EDAR: variants seen among roughly 807,000 people sequenced by gnomAD.
EDAR encodes the protein ectodysplasin A receptor.
Under a neutral mutation model 51.3 loss-of-function variants are expected in EDAR, and 38 were observed. The observed-to-expected ratio is 0.74, with a 90% CI of 0.57 to 0.97. The LOEUF (loss-of-function observed/expected upper bound fraction) is 0.97, where lower values mean the gene tolerates loss of function less well. Ranked by LOEUF, EDAR falls within the 50% of genes least tolerant of loss-of-function variation. The probability of loss-of-function intolerance (pLI) is 0.00; values close to 1 mark genes in which losing one functional copy is unlikely to be tolerated. For synonymous variants in EDAR, 227 were observed against 242.1 expected (o/e 0.94, Z 0.58); for missense variants, 528 against 595.0 (o/e 0.89, Z 1.17).
chr2:108,976,523 T>G (rs1049972202), intron 1 of EDAR, among the ~76,000 whole-genome samples: 4 of 152,106 alleles, frequency 2.6e-5, no homozygotes, highest in Non-Finnish European at 2.9e-5. Flanking sequence ...AGCGCACACT[T>G]AAGGGAGGGA....
At chr2:108,975,207 G>A (rs1698301380) in intron 1 of EDAR, among the ~76,000 whole-genome samples, 1 of 152,234 alleles carries the variant, frequency 6.6e-6, no homozygotes, top group Non-Finnish European at 1.5e-5. Flanking sequence ...GTGGGAAGGG[G>A]CAAAGGAGAG....
intron 2 of EDAR, 50 bp from the exon 3 acceptor site, chr2:108,930,292 T>A (rs776572958): frequency 6.2e-7 from 1 of 1,612,800 alleles, no homozygotes; most frequent in African/African-American, 1.3e-5. Flanking sequence ...TAGAAACACA[T>A]GTGACTCCTG....
rs370264160 is a variant in EDAR, at chr2:108,910,528, G to A, written c.735C>T (p.Asn245=). Residue 245 remains asparagine (N), a synonymous_variant, in exon 9 of 12, where the codon AAC becomes AAT. Transcript: ENST00000258443. ...KDEEKKEAPD[N]VVMFSEKDEF... is the part of the protein sequence containing the mutation. Reference sequence around the variant, plus strand: ...CATCCTTCTCGGAGAACATCACCACGTTGTCTGCAGGGAAATGGGGAGGTT... The same window carrying A: ...CATCCTTCTCGGAGAACATCACCACATTGTCTGCAGGGAAATGGGGAGGTT... 17 of 1,612,940 alleles carry A rather than the reference G, an allele frequency of 1.1e-5. No homozygotes were observed. Among genetic ancestry groups the A allele is most frequent in the African/African-American group, 6.7e-5 (5 of 74,898 alleles).
intron 1 of EDAR, among the ~76,000 whole-genome samples, chr2:108,970,160 G>A (rs1237236722): frequency 3.3e-5 from 5 of 152,152 alleles, no homozygotes; most frequent in Non-Finnish European, 4.4e-5. Flanking sequence ...GGGGAGCATC[G>A]CCTGGGAGCT....
intron 1 of EDAR, among the ~76,000 whole-genome samples, chr2:108,932,523 T>C (rs1450337508): frequency 3.4e-5 from 4 of 117,622 alleles, no homozygotes; most frequent in Admixed American, 9.4e-5. Flanking sequence ...AGTGAGACTC[T>C]GTCTCAAAAA....
intron 1 of EDAR, among the ~76,000 whole-genome samples, chr2:108,943,435 A>G (rs991523550): frequency 1.3e-5 from 2 of 152,156 alleles, no homozygotes; most frequent in Admixed American, 6.5e-5. Context: ...AACTGCAATC[A>G]CACCGTATTC....
chr2:108,940,959 CT>C (rs892221588), intron 1 of EDAR, among the ~76,000 whole-genome samples: 1 of 152,200 alleles, frequency 6.6e-6, no homozygotes, highest in Non-Finnish European at 1.5e-5. Flanking sequence ...TATACACCCC[CT>C]GTGGCTTGAT....
At chr2:108,975,782 G>A (rs1028516696) in intron 1 of EDAR, among the ~76,000 whole-genome samples, 5 of 152,138 alleles carry the variant, frequency 3.3e-5, no homozygotes, top group African/African-American at 7.2e-5. Context: ...GCCAGGCTCC[G>A]TGCGGCATCA....
At chr2:108,926,314 G>A (rs944654203) in intron 4 of EDAR, among the ~76,000 whole-genome samples, 2 of 152,134 alleles carry the variant, frequency 1.3e-5, no homozygotes, top group African/African-American at 4.8e-5. Flanking sequence ...CCCAACCCCT[G>A]TTCTACATAG....
intron 1 of EDAR, among the ~76,000 whole-genome samples, chr2:108,944,813 A>G (rs929543995): frequency 1.3e-5 from 2 of 152,122 alleles, no homozygotes; most frequent in African/African-American, 4.8e-5. Context: ...TGAGCCAGAG[A>G]GCTGACCGCA....
intron 8 of EDAR, 115 bp from the exon 9 acceptor site, chr2:108,910,647 C>A: frequency 1.4e-6 from 2 of 1,407,126 alleles, no homozygotes; most frequent in Non-Finnish European, 2.0e-6. Flanking sequence ...TGTGTGGCAC[C>A]ACCCCACGGT....
intron 1 of EDAR, among the ~76,000 whole-genome samples, chr2:108,971,301 T>A (rs1698227140): frequency 6.6e-6 from 1 of 152,118 alleles, no homozygotes; most frequent in Admixed American, 6.5e-5. Flanking sequence ...GAGTGGTCCC[T>A]GGGATGCACT....
chr2:108,915,179 CA>C (rs1202938935), intron 5 of EDAR, among the ~76,000 whole-genome samples: 1 of 152,216 alleles, frequency 6.6e-6, no homozygotes, highest in Non-Finnish European at 1.5e-5. Context: ...GCTGGGATTA[CA>C]GGTGTGAGCC....
At chr2:108,966,226 G>A (rs1698148664) in intron 1 of EDAR, among the ~76,000 whole-genome samples, 2 of 152,182 alleles carry the variant, frequency 1.3e-5, no homozygotes, top group South Asian at 4.1e-4. Flanking sequence ...AGACCTGTCT[G>A]CCTTGCATGT....
chr2:108,939,512 G>T (rs1367473923), intron 1 of EDAR, among the ~76,000 whole-genome samples: 4 of 152,154 alleles, frequency 2.6e-5, no homozygotes, highest in Non-Finnish European at 4.4e-5. Flanking sequence ...CAAGTCCCAA[G>T]AAGAGATGAT....
At chr2:108,931,143 G>C (rs1044642858) in intron 1 of EDAR, 111 bp from the exon 2 acceptor site, 28 of 842,558 alleles carry the variant, frequency 3.3e-5, no homozygotes, top group Non-Finnish European at 3.8e-5. Context: ...AAACAGAGGG[G>C]AAACTATACA....
At chr2:108,920,341 C>G (rs1233779071) in intron 5 of EDAR, among the ~76,000 whole-genome samples, 1 of 152,208 alleles carries the variant, frequency 6.6e-6, no homozygotes, top group Admixed American at 6.5e-5. Context: ...AAGCCTGATG[C>G]TGGACCCTAT....
intron 1 of EDAR, among the ~76,000 whole-genome samples, chr2:108,949,264 G>A (rs187735895): frequency 1.3e-3 from 197 of 152,312 alleles, no homozygotes; most frequent in African/African-American, 4.5e-3. Flanking sequence ...TTACAGGTGT[G>A]AGCCACCAAG....
At chr2:108,930,001 G>C in intron 3 of EDAR, 119 bp downstream of exon 3, 1 of 1,272,862 alleles carries the variant, frequency 7.9e-7, no homozygotes, top group Non-Finnish European at 1.1e-6. Flanking sequence ...GAGCGTGACC[G>C]GCTGGTTTGA....
Sources: allele counts gnomAD v4.1 joint callset (sites outside exome capture counted in the v4.1 genomes callset), GRCh38; gene constraint gnomAD v4.1.1; transcripts MANE v1.5; gene names NCBI Gene and HGNC (gene_info 2026-07-23, HGNC 2026-07-21).